Variants in JMY observed in about 807,000 individuals in gnomAD.
The protein encoded by JMY is junction-mediating and -regulatory protein.
Under a neutral mutation model 103.3 loss-of-function variants are expected in JMY, and 46 were observed. The observed-to-expected ratio is 0.45, with a 90% CI of 0.35 to 0.57. The LOEUF (loss-of-function observed/expected upper bound fraction) is 0.57. JMY is among the 20% of genes least tolerant of loss of function. The probability of loss-of-function intolerance (pLI) is 0.00; values close to 1 mark genes in which losing one functional copy is unlikely to be tolerated. For synonymous variants in JMY, 526 were observed against 489.3 expected (o/e 1.07, Z -0.99); for missense variants, 1,238 against 1,255.2 (o/e 0.99, Z 0.21).
In JMY at chr5:79,251,323, C is replaced by T. The variant is rs188012954; in HGVS notation, c.1032+13641C>T. On this transcript the variant is annotated intron_variant, in intron 1 of 10. Transcript: ENST00000396137. Reference sequence around the variant, plus strand: ...CATGGCTCATTGCAGCCTCAACCTCCTAGGCTCAAGTGATCCTCCCATCTC... The same window carrying T: ...CATGGCTCATTGCAGCCTCAACCTCTTAGGCTCAAGTGATCCTCCCATCTC... Among the ~76,000 whole-genome samples, 655 of 152,196 alleles carry T rather than the reference C, an allele frequency of 4.3e-3. 8 individuals carry two copies. The highest frequency in any genetic ancestry group is 0.015 in the African/African-American group (619 of 41,554).
At chr5:79,285,050 C>T in intron 2 of JMY, 1 of 608,090 alleles carries the variant, frequency 1.6e-6, no homozygotes, top group Non-Finnish European at 2.9e-6. Flanking sequence ...TACTCATCAT[C>T]TTGATCAACC....
At chr5:79,267,744 C>A (rs766855500) in intron 1 of JMY, among the ~76,000 whole-genome samples, 1 of 152,188 alleles carries the variant, frequency 6.6e-6, no homozygotes, top group South Asian at 2.1e-4. Context: ...CCGAACATTT[C>A]ATTGTATGGA....
Position 79,285,393 on chromosome 5 carries a change from T to A in JMY, c.1207-4728T>A, listed in dbSNP as rs192433272. Among the ~76,000 whole-genome samples the A allele has an allele frequency of 3.0e-3, 451 of 152,168 alleles. 2 individuals are homozygous for A. The highest frequency in any genetic ancestry group is 0.01 in the African/African-American group (425 of 41,530). On this transcript the variant is annotated intron_variant, in intron 2 of 10. Transcript: ENST00000396137. Reference sequence around the variant, plus strand: ...AAAGCATGGGCTGCATTTCAGTATCTACTCCATCCCCTTGGCTGGGTGCTA... The same window carrying A: ...AAAGCATGGGCTGCATTTCAGTATCAACTCCATCCCCTTGGCTGGGTGCTA...
intron 3 of JMY, among the ~76,000 whole-genome samples, chr5:79,290,594 A>G (rs1482555097): frequency 6.6e-6 from 1 of 152,208 alleles, no homozygotes; most frequent in Non-Finnish European, 1.5e-5. Flanking sequence ...GAGTATTTTT[A>G]AAGTTTCTGA....
At chr5:79,307,458 G>A (rs1746918277) in intron 7 of JMY, among the ~76,000 whole-genome samples, 1 of 151,990 alleles carries the variant, frequency 6.6e-6, no homozygotes, top group South Asian at 2.1e-4. Context: ...GGTGTATAGT[G>A]GTATCTTTTG....
chr5:79,256,305 C>CA (rs1248683499), intron 1 of JMY, among the ~76,000 whole-genome samples: 1 of 152,142 alleles, frequency 6.6e-6, no homozygotes, highest in East Asian at 1.9e-4. Context: ...GCCTGGGACT[C>CA]ACCTTTCAAC....
chr5:79,249,760 G>A (rs998793488), intron 1 of JMY, among the ~76,000 whole-genome samples: 4 of 152,070 alleles, frequency 2.6e-5, no homozygotes, highest in South Asian at 2.1e-4. Context: ...AAATTTCATC[G>A]TATTTTCAGT....
chr5:79,278,551 GACCAGCCT>G (rs1360400465), intron 2 of JMY, among the ~76,000 whole-genome samples: 2 of 115,846 alleles, frequency 1.7e-5, no homozygotes, highest in Non-Finnish European at 3.2e-5. Flanking sequence ...CCGAGCTTGA[GACCAGCCT>G]GGGCAACACG....
chr5:79,259,275 G>C (rs1418624886), intron 1 of JMY, among the ~76,000 whole-genome samples: 1 of 152,064 alleles, frequency 6.6e-6, no homozygotes, highest in Non-Finnish European at 1.5e-5. Context: ...GAGACCCTGG[G>C]GTGGGCAGCT....
At position 79,266,023 on chromosome 5, in the gene JMY, C is replaced by A. The variant is rs140976995; in HGVS notation, c.1033-11887C>A. Among the ~76,000 whole-genome samples the A allele has an allele frequency of 6.7e-3, 1,018 of 152,208 alleles. 6 individuals carry two copies. Among genetic ancestry groups the A allele is most frequent in the Middle Eastern group, 0.051 (15 of 294 alleles). On this transcript the variant is annotated intron_variant, in intron 1 of 10. Coordinates refer to ENST00000396137, the MANE Select transcript of JMY (RefSeq NM_152405.5). ...TCTCGAACTCCTGACCTCAGGTGAT[C>A]CACCCAACTTGGCCTCCCAAAGTGC... is the stretch of plus-strand genomic sequence containing the variant.
Position 79,284,385 on chromosome 5 carries a change from C to A in JMY, c.1207-5736C>A, listed in dbSNP as rs182733857. 49 of 1,314,304 alleles carry A rather than the reference C, an allele frequency of 3.7e-5. 1 individual carries two copies. In the African/African-American group the frequency reaches 4.9e-4, roughly 13 times the overall value. 81.4% of individuals were successfully genotyped at this position (1,314,304 alleles called of 1,614,324 possible). On this transcript the variant is annotated intron_variant, in intron 2 of 10. Coordinates refer to ENST00000396137, the MANE Select transcript of JMY (RefSeq NM_152405.5). ...AATTTATTGACCACTTCTTTCAAGGCATTTGTCTGCACCTCTCGGGTCATG... is the reference window on the plus strand; with the variant it reads ...AATTTATTGACCACTTCTTTCAAGGAATTTGTCTGCACCTCTCGGGTCATG...
At chr5:79,298,283 C>T (rs1746624861) in intron 4 of JMY, among the ~76,000 whole-genome samples, 1 of 152,138 alleles carries the variant, frequency 6.6e-6, no homozygotes. Flanking sequence ...TAACGATTCC[C>T]CACTTGAGAA....
At chr5:79,291,974 G>GTACA in intron 4 of JMY, among the ~76,000 whole-genome samples, 1 of 152,266 alleles carries the variant, frequency 6.6e-6, no homozygotes, top group East Asian at 1.9e-4. Context: ...GGCTTAGGTT[G>GTACA]TACAGCAAGA....
intron 1 of JMY, among the ~76,000 whole-genome samples, chr5:79,264,330 G>A (rs1457788725): frequency 1.3e-5 from 2 of 151,686 alleles, no homozygotes; most frequent in Non-Finnish European, 2.9e-5. Flanking sequence ...TAAGCAATCC[G>A]CTGACCTCAG....
intron 1 of JMY, among the ~76,000 whole-genome samples, chr5:79,240,841 A>G (rs868028247): frequency 1.5e-4 from 23 of 152,342 alleles, no homozygotes; most frequent in Middle Eastern, 3.4e-3. Flanking sequence ...AATAGTTTGC[A>G]GTAACATTTT....
chr5:79,278,525 G>C (rs575598922), intron 2 of JMY, among the ~76,000 whole-genome samples: 10 of 134,478 alleles, frequency 7.4e-5, no homozygotes, highest in African/African-American at 2.8e-4. Context: ...GCTGAGGCAA[G>C]AGGATCACTT....
At chr5:79,255,145 G>GTTTTCTTTT (rs1295246104) in intron 1 of JMY, among the ~76,000 whole-genome samples, 1 of 55,092 alleles carries the variant, frequency 1.8e-5, no homozygotes, top group African/African-American at 1.1e-4. Flanking sequence ...TTGAGACAGG[G>GTTTTCTTTT]TCTTGTAGTG....
intron 2 of JMY, among the ~76,000 whole-genome samples, chr5:79,285,806 T>G (rs1580355234): frequency 6.6e-6 from 1 of 152,212 alleles, no homozygotes; most frequent in African/African-American, 2.4e-5. Context: ...TTCACAGATT[T>G]ATCTTGGCAT....
intron 6 of JMY, among the ~76,000 whole-genome samples, chr5:79,305,075 A>T (rs1044090201): frequency 5.9e-5 from 9 of 152,236 alleles, no homozygotes; most frequent in African/African-American, 1.9e-4. Flanking sequence ...GGTAAAGAAC[A>T]TGAAGTAAAA....
Sources: gnomAD v4.1 joint callset for allele counts (sites outside exome capture counted in the v4.1 genomes callset) on GRCh38, gnomAD v4.1.1 for gene constraint, MANE v1.5 for transcripts, NCBI Gene and HGNC (gene_info 2026-07-23, HGNC 2026-07-21) for gene names.